The following ANKRD30BL variants were observed in gnomAD, a reference collection of about 807,000 sequenced individuals.
ANKRD30BL encodes the protein ankyrin repeat domain 30B like, also known as putative ankyrin repeat domain-containing protein 30B-like.
Under a neutral mutation model 18.4 loss-of-function variants are expected in ANKRD30BL, and 20 were observed. The observed-to-expected ratio is 1.09, with a 90% CI of 0.77 to 1.58. ANKRD30BL has a LOEUF of 1.58. ANKRD30BL is among the 40% of genes most tolerant of loss of function. The probability of loss-of-function intolerance (pLI) is 0.00; values close to 1 mark genes in which losing one functional copy is unlikely to be tolerated. For synonymous variants in ANKRD30BL, 72 were observed against 100.9 expected, an observed-to-expected ratio of 0.71 and a Z score of 1.72; for missense variants, 224 against 268.6, an observed-to-expected ratio of 0.83 and a Z score of 1.16.
intron 1 of ANKRD30BL, among the ~76,000 whole-genome samples, chr2:132,250,546 C>T (rs62164974): frequency 2.0e-5 from 3 of 152,166 alleles, no homozygotes; most frequent in East Asian, 1.9e-4. Context: ...TTGGGGACCT[C>T]GGAGATGATC....
chr2:132,226,426 C>T (rs367846392), intron 1 of ANKRD30BL, among the ~76,000 whole-genome samples: 1 of 150,366 alleles, frequency 6.7e-6, no homozygotes, highest in Non-Finnish European at 1.5e-5. Context: ...AGAGTTGAAA[C>T]TTCCTTTTGA....
chr2:132,187,165 G>GTTTTTTTTTTTTTTTTTTTTTTTTTTTT (rs1553472036), intron 1 of ANKRD30BL, among the ~76,000 whole-genome samples: 1 of 122,282 alleles, frequency 8.2e-6, no homozygotes, highest in African/African-American at 3.3e-5. Context: ...ATCGTAGGAA[G>GTTTTTTTTTTTTTTTTTTTTTTTTTTTT]TTTTTTGTTT....
intron 1 of ANKRD30BL, among the ~76,000 whole-genome samples, chr2:132,230,138 A>T (rs976819229): frequency 6.6e-6 from 1 of 152,140 alleles, no homozygotes; most frequent in African/African-American, 2.4e-5. Context: ...ATATCTTCCC[A>T]TAAAAAATAG....
At chr2:132,193,366 C>A (rs1678898272) in intron 1 of ANKRD30BL, among the ~76,000 whole-genome samples, 1 of 152,060 alleles carries the variant, frequency 6.6e-6, no homozygotes, top group African/African-American at 2.4e-5. Context: ...CTTGAATGAC[C>A]ACCTTTTCAT....
chr2:132,213,274 G>A (rs1203642984), intron 1 of ANKRD30BL, among the ~76,000 whole-genome samples: 4 of 151,662 alleles, frequency 2.6e-5, no homozygotes, highest in African/African-American at 4.8e-5. Context: ...CATTTGGAGC[G>A]ATTTGAGGCC....
chr2:132,196,903 T>C (rs1678980501), intron 1 of ANKRD30BL, among the ~76,000 whole-genome samples: 2 of 152,062 alleles, frequency 1.3e-5, no homozygotes, highest in African/African-American at 2.4e-5. Context: ...AATTGGGAGA[T>C]AATGATGAAT....
chr2:132,186,161 A>G (rs1025328292), intron 1 of ANKRD30BL, among the ~76,000 whole-genome samples: 3 of 151,890 alleles, frequency 2.0e-5, no homozygotes, highest in Non-Finnish European at 4.4e-5. Flanking sequence ...AAATAATAAA[A>G]AAGGAATTCT....
At chr2:132,213,601 G>A (rs28831170) in intron 1 of ANKRD30BL, among the ~76,000 whole-genome samples, 9 of 152,228 alleles carry the variant, frequency 5.9e-5, no homozygotes, top group South Asian at 2.1e-4. Flanking sequence ...CTCTGCAAGT[G>A]AACATTTTGA....
At chr2:132,250,312 A>G (rs1039764170) in intron 1 of ANKRD30BL, among the ~76,000 whole-genome samples, 6 of 151,156 alleles carry the variant, frequency 4.0e-5, no homozygotes, top group Non-Finnish European at 8.8e-5. Context: ...AACATTCATT[A>G]TAGTTTTTAT....
intron 1 of ANKRD30BL, among the ~76,000 whole-genome samples, chr2:132,220,785 C>A (rs1166266383): frequency 6.6e-6 from 1 of 150,958 alleles, no homozygotes; most frequent in East Asian, 2.0e-4. Context: ...CCGGCCGCCA[C>A]CCCGTCTGGG....
intron 1 of ANKRD30BL, among the ~76,000 whole-genome samples, chr2:132,196,967 A>G (rs985670599): frequency 5.3e-5 from 8 of 152,258 alleles, no homozygotes; most frequent in Admixed American, 3.3e-4. Flanking sequence ...AAAGTCCCCA[A>G]CACATGTATG....
chr2:132,202,892 A>C (rs568623722), intron 1 of ANKRD30BL, among the ~76,000 whole-genome samples: 1 of 152,160 alleles, frequency 6.6e-6, no homozygotes, highest in Admixed American at 6.6e-5. Flanking sequence ...TTGTATCTGA[A>C]TTTCTAACAG....
intron 1 of ANKRD30BL, among the ~76,000 whole-genome samples, chr2:132,198,324 C>CTT (rs773252461): frequency 0.019 from 325 of 16,824 alleles, 23 homozygotes; most frequent in East Asian, 0.029. Flanking sequence ...TTCTTTCTTT[C>CTT]TTTTTTTTTT....
At chr2:132,202,103 G>A (rs1439231228) in intron 1 of ANKRD30BL, among the ~76,000 whole-genome samples, 1 of 152,084 alleles carries the variant, frequency 6.6e-6, no homozygotes, top group Non-Finnish European at 1.5e-5. Context: ...GAGAACACAT[G>A]GACACAGGAA....
At chr2:132,246,540 G>A (rs112335023) in intron 1 of ANKRD30BL, among the ~76,000 whole-genome samples, 1 of 150,332 alleles carries the variant, frequency 6.7e-6, no homozygotes, top group African/African-American at 2.4e-5. Flanking sequence ...AGAGTTGAAA[G>A]TTTCTTTTGA....
intron 1 of ANKRD30BL, among the ~76,000 whole-genome samples, chr2:132,193,651 G>T (rs3114162): frequency 6.6e-6 from 1 of 152,128 alleles, no homozygotes; most frequent in Admixed American, 6.6e-5. Context: ...TGCAACTGAG[G>T]CACTATGCTA....
At chr2:132,209,391 T>G (rs1672644596) in intron 1 of ANKRD30BL, among the ~76,000 whole-genome samples, 1 of 152,172 alleles carries the variant, frequency 6.6e-6, no homozygotes, top group African/African-American at 2.4e-5. Flanking sequence ...CTTTGTGATG[T>G]GTGCATTCAT....
intron 3 of ANKRD30BL, chr2:132,156,335 T>C (rs942608205): frequency 3.9e-5 from 6 of 152,154 alleles, no homozygotes; most frequent in Non-Finnish European, 8.8e-5. Context: ...ACAACCCCAT[T>C]ATTAATGAAT....
At chr2:132,196,454 A>G (rs1241496092) in intron 1 of ANKRD30BL, among the ~76,000 whole-genome samples, 1 of 152,030 alleles carries the variant, frequency 6.6e-6, no homozygotes, top group Admixed American at 6.5e-5. Context: ...TGGGGGAAAA[A>G]AAAAGTAGGC....
Sources: allele counts gnomAD v4.1 joint callset (sites outside exome capture counted in the v4.1 genomes callset), GRCh38; gene constraint gnomAD v4.1.1; transcripts MANE v1.5; gene names NCBI Gene and HGNC (gene_info 2026-07-23, HGNC 2026-07-21).